Variants in ZC3HC1 observed in about 807,000 individuals in gnomAD.
ZC3HC1 encodes zinc finger C3HC-type protein 1.
ZC3HC1 carries 38 observed loss-of-function variants against 61.9 expected under a neutral mutation model. The ratio of observed to expected loss-of-function variants is 0.61; its 90% CI spans 0.47 to 0.81. ZC3HC1 has a LOEUF of 0.81. ZC3HC1 is among the 30% of genes least tolerant of loss of function. The pLI, the probability that ZC3HC1 is intolerant of heterozygous loss-of-function variation, is 0.00. For synonymous variants in ZC3HC1, 213 were observed against 229.9 expected, an observed-to-expected ratio of 0.93 and a Z score of 0.67; for missense variants, 554 against 622.7, an observed-to-expected ratio of 0.89 and a Z score of 1.17.
chr7:130,024,665 TTCA>T (rs1412613105), intron 6 of ZC3HC1, among the ~76,000 whole-genome samples, 159 bp from the exon 7 acceptor site: 2 of 152,144 alleles, frequency 1.3e-5, no homozygotes, highest in Non-Finnish European at 2.9e-5. Context: ...AGCTTCATAC[TTCA>T]TCATCTCTCA....
intron 4 of ZC3HC1, among the ~76,000 whole-genome samples, chr7:130,036,130 C>T (rs1194061077): frequency 1.3e-5 from 2 of 148,494 alleles, no homozygotes; most frequent in African/African-American, 5.0e-5. Flanking sequence ...TTTTTTTTTC[C>T]GCAATTCAGG....
At chr7:130,021,586 C>T (rs892599562) in intron 9 of ZC3HC1, among the ~76,000 whole-genome samples, 2 of 152,060 alleles carry the variant, frequency 1.3e-5, no homozygotes, top group African/African-American at 2.4e-5. Flanking sequence ...GCCCAGCGTG[C>T]GGAATGAGGC....
chr7:130,024,652 C>G, intron 6 of ZC3HC1, 146 bp from the exon 7 acceptor site: 2 of 905,656 alleles, frequency 2.2e-6, no homozygotes, highest in South Asian at 3.8e-5. Context: ...AGTCTCAGGA[C>G]CCAGCTTCAT....
Position 130,023,695 on chromosome 7 carries a change from G to A in ZC3HC1, c.1049C>T (p.Ser350Phe), listed in dbSNP as rs1362964635. The A allele has an allele frequency of 1.2e-6, 2 of 1,614,106 alleles. No individual in the cohort carries two copies. Among genetic ancestry groups the A allele is most frequent in the African/African-American group, 1.3e-5 (1 of 74,950 alleles). Residue 350 changes from serine (S) to phenylalanine (F), a missense_variant, in exon 8 of 10, where the codon TCT becomes TTT. By Grantham distance (155) the Ser-to-Phe change is radical (BLOSUM62 -2). Transcript: ENST00000358303. This position sits in a 1 kb window ranked among gnomAD's most constrained non-coding sequence, Gnocchi z 4.2. ...QAEKSPGPIVSRTRSWDSSSP... is the reference protein window; with the variant it reads ...QAEKSPGPIVFRTRSWDSSSP... ...GGAAGAGTCCCAGCTCCGAGTTCGA[G>A]AGACAATGGGACCAGGGCTCTTTTC... is the stretch of plus-strand genomic sequence containing the variant.
chr7:130,038,874 A>AG (rs1563082235), intron 4 of ZC3HC1, among the ~76,000 whole-genome samples: 1 of 151,454 alleles, frequency 6.6e-6, no homozygotes, highest in East Asian at 1.9e-4. Flanking sequence ...AAAAAAAAAA[A>AG]AAAAACCAAA....
At position 130,023,316 on chromosome 7, in the gene ZC3HC1, A is replaced by C. The variant is rs573993168; in HGVS notation, c.1233+195T>G. Among the ~76,000 whole-genome samples the C allele has an allele frequency of 1.3e-4, 20 of 151,910 alleles. No homozygotes were observed. The highest frequency in any genetic ancestry group is 3.9e-4 in the African/African-American group (16 of 41,442). On this transcript the variant is annotated intron_variant, in intron 8 of 9. Transcript: ENST00000358303. The surrounding 1 kb of genome is among the most constrained non-coding windows in gnomAD (Gnocchi z 4.2). ...AATATCTATTATTTCTCCAGAATCCACTCCAAAGGAACAAAAAGGAGCAAA... is the reference window on the plus strand; with the variant it reads ...AATATCTATTATTTCTCCAGAATCCCCTCCAAAGGAACAAAAAGGAGCAAA...
chr7:130,034,434 G>A (rs13226729), intron 4 of ZC3HC1, among the ~76,000 whole-genome samples: 83,877 of 143,840 alleles, frequency 0.58, 26,572 homozygotes, highest in East Asian at 0.99. Context: ...GCAGTGAGCC[G>A]AGACCCTGCC....
chr7:130,018,784 A>G, intron 9 of ZC3HC1, 52 bp from the exon 10 acceptor site: 1 of 1,486,948 alleles, frequency 6.7e-7, no homozygotes, highest in Non-Finnish European at 9.4e-7. Context: ...ATAGAGACAA[A>G]GGATAGATCA....
At chr7:130,031,324 CA>C (rs71956602) in intron 4 of ZC3HC1, among the ~76,000 whole-genome samples, 24,642 of 110,882 alleles carry the variant, frequency 0.22, 2,033 homozygotes, top group Non-Finnish European at 0.24. Context: ...AACTCCATCT[CA>C]AAAAAAAAAA....
chr7:130,018,384 T>G lies in ZC3HC1; in HGVS notation c.*280A>C. ...TCCACATTGAAGATGCTGAAATGGG[T>G]GGTCAGGTCCTTAGTCTTCCTTCTA... On this transcript the variant is annotated 3_prime_UTR_variant, in exon 10 of 10. Transcript: ENST00000358303. The G allele has an allele frequency of 8.6e-6, 3 of 350,210 alleles. No homozygotes were observed. Among genetic ancestry groups the G allele is most frequent in the Admixed American group, 4.3e-5 (1 of 23,328 alleles). 21.7% of individuals were successfully genotyped at this position (350,210 alleles called of 1,614,324 possible).
At chr7:130,026,015 G>A (rs1026579638) in intron 6 of ZC3HC1, 143 bp downstream of exon 6, 8 of 900,518 alleles carry the variant, frequency 8.9e-6, no homozygotes, top group African/African-American at 6.7e-5. Flanking sequence ...CATTCTCCTC[G>A]CACCATCCCC....
At chr7:130,050,010 G>A (rs765345829) in intron 1 of ZC3HC1, among the ~76,000 whole-genome samples, 3 of 152,004 alleles carry the variant, frequency 2.0e-5, no homozygotes, top group Non-Finnish European at 4.4e-5. Context: ...AAAAAACTCA[G>A]CAAAGCAATT....
At chr7:130,034,484 C>CAAAAA (rs35780865) in intron 4 of ZC3HC1, among the ~76,000 whole-genome samples, 1 of 62,274 alleles carries the variant, frequency 1.6e-5, no homozygotes, top group Non-Finnish European at 2.9e-5. Context: ...GACTCCGTCT[C>CAAAAA]AAAAAAAAAA....
At chr7:130,047,100 C>CT (rs1397147959) in intron 2 of ZC3HC1, among the ~76,000 whole-genome samples, 10 of 152,156 alleles carry the variant, frequency 6.6e-5, no homozygotes, top group Non-Finnish European at 1.3e-4. Context: ...GTCACTGGGA[C>CT]TACAAGCATG....
intron 5 of ZC3HC1, among the ~76,000 whole-genome samples, chr7:130,027,966 A>G (rs1281486906): frequency 6.7e-6 from 1 of 149,062 alleles, no homozygotes; most frequent in African/African-American, 2.5e-5. Flanking sequence ...CAGGAGATCT[A>G]GAACATCCTG....
In ZC3HC1 at chr7:130,049,028, G is replaced by C; in HGVS notation, c.258+5C>G. ...GTGCAATTCACATGAACTAAAAAAGGATATAGAAAATGTTTCCACTCTGCT... is the reference window on the plus strand; with the variant it reads ...GTGCAATTCACATGAACTAAAAAAGCATATAGAAAATGTTTCCACTCTGCT... On this transcript the variant is annotated splice_donor_5th_base_variant and intron_variant, in intron 2 of 9. Transcript: ENST00000358303. The C allele has an allele frequency of 6.3e-7, 1 of 1,592,616 alleles. No individual in the cohort carries two copies. Among genetic ancestry groups the C allele is most frequent in the Non-Finnish European group, 8.5e-7 (1 of 1,169,910 alleles).
rs771612816 is a variant in ZC3HC1 at position 130,039,539 on chromosome 7, G to A, written c.418C>T (p.Arg140Ter). The part of the protein sequence containing the change: ...PAFDFDRYKQ[R>*]CAELKKALCT... ...AAGGCTTTCTTCAGCTCAGCACATCGTTGCTTATCTGAAATCCACATAAAC... is the reference window on the plus strand; with the variant it reads ...AAGGCTTTCTTCAGCTCAGCACATCATTGCTTATCTGAAATCCACATAAAC... The change falls in exon 4 of 10, where the codon CGA becomes TGA. Residue 140 changes from arginine to a stop codon, truncating the protein, a stop_gained. Transcript: ENST00000358303. LOFTEE classifies it high-confidence loss of function. 3.1e-6 allele frequency: 5 copies of A among 1,608,112 alleles called. No homozygotes were observed. Among genetic ancestry groups the A allele is most frequent in the East Asian group, 4.5e-5 (2 of 44,828 alleles).
chr7:130,038,120 A>G (rs556850307), intron 4 of ZC3HC1, among the ~76,000 whole-genome samples: 1 of 152,312 alleles, frequency 6.6e-6, no homozygotes, highest in South Asian at 2.1e-4. Flanking sequence ...TTAAAAACCC[A>G]GTTGAGATTA....
intron 5 of ZC3HC1, 48 bp downstream of exon 5, chr7:130,028,854 T>C: frequency 1.3e-6 from 2 of 1,593,042 alleles, no homozygotes; most frequent in Non-Finnish European, 8.6e-7. Flanking sequence ...CAGGTATAAA[T>C]GCTGGCAACA....
Sources: gnomAD v4.1 joint callset for allele counts (sites outside exome capture counted in the v4.1 genomes callset) on GRCh38, gnomAD v4.1.1 for gene constraint, Gnocchi (gnomAD v3.1) non-coding constraint, MANE v1.5 for transcripts, NCBI Gene and HGNC (gene_info 2026-07-23, HGNC 2026-07-21) for gene names.